RIMS4: variants seen among roughly 807,000 people sequenced by gnomAD.
RIMS4 encodes regulating synaptic membrane exocytosis protein 4.
Under a neutral mutation model 29.0 loss-of-function variants are expected in RIMS4, and 9 were observed. The observed-to-expected ratio is 0.31, with a 90% CI of 0.19 to 0.54. The LOEUF is 0.54. Among genes scored for constraint, RIMS4 ranks in the 20% least tolerant of loss-of-function variants. The pLI, the probability that RIMS4 is intolerant of heterozygous loss-of-function variation, is 0.94. For missense variants in RIMS4, 193 were observed against 365.7 expected (o/e 0.53, Z 3.85); for synonymous variants, 130 against 152.9 (o/e 0.85, Z 1.10).
intron 1 of RIMS4, among the ~76,000 whole-genome samples, chr20:44,783,999 A>T (rs2066196789): frequency 6.6e-6 from 1 of 152,224 alleles, no homozygotes; most frequent in African/African-American, 2.4e-5. Context: ...AATAAAGCTT[A>T]TATAAATCTC....
At position 44,756,116 on chromosome 20, in the gene RIMS4, C is replaced by G; in HGVS notation, c.*18G>C. 1 of 1,561,640 alleles carries G rather than the reference C, an allele frequency of 6.4e-7. No homozygotes were observed. ...GTGGTCTCCAGGCCATCTTGGGGAG[C>G]CCCTCCCCATTCCAGCACTAAGATC... On this transcript the variant is annotated 3_prime_UTR_variant, in exon 6 of 6. Transcript: ENST00000372851. This position sits in a 1 kb window ranked among gnomAD's most constrained non-coding sequence, Gnocchi z 5.9.
intron 1 of RIMS4, among the ~76,000 whole-genome samples, chr20:44,807,496 T>C (rs1371363623): frequency 6.6e-6 from 1 of 151,998 alleles, no homozygotes; most frequent in African/African-American, 2.4e-5. Context: ...AAGGGGAGGC[T>C]CCTAGATGAG....
In RIMS4 at chr20:44,806,458, C is replaced by G. The variant is rs2066299117; in HGVS notation, c.97+3717G>C. Reference sequence around the variant, plus strand: ...CCCTCTTGACTGGCAGGCGAGTCTCCCAAATCCCTATGTTTAAGCCACTTC... The same window carrying G: ...CCCTCTTGACTGGCAGGCGAGTCTCGCAAATCCCTATGTTTAAGCCACTTC... On this transcript the variant is annotated intron_variant, in intron 1 of 5. Coordinates refer to ENST00000372851, the MANE Select transcript of RIMS4 (RefSeq NM_182970.4). Among the ~76,000 whole-genome samples, 8 of 152,260 alleles carry G rather than the reference C, an allele frequency of 5.3e-5. No individual in the cohort carries two copies. In the South Asian group the frequency reaches 1.7e-3, roughly 32 times the overall value.
chr20:44,802,525 G>C (rs147803848), intron 1 of RIMS4, among the ~76,000 whole-genome samples: 3 of 152,292 alleles, frequency 2.0e-5, no homozygotes, highest in South Asian at 2.1e-4. Flanking sequence ...ATCAGTCTGG[G>C]TCAGGTGAGA....
chr20:44,760,107 C>A (rs1297117723), intron 2 of RIMS4, among the ~76,000 whole-genome samples: 2 of 152,192 alleles, frequency 1.3e-5, no homozygotes, highest in East Asian at 1.9e-4. Context: ...GGCTATCCTG[C>A]CCCGAAACAG....
intron 2 of RIMS4, among the ~76,000 whole-genome samples, chr20:44,760,629 C>A (rs1651450638): frequency 6.6e-6 from 1 of 152,204 alleles, no homozygotes; most frequent in African/African-American, 2.4e-5. Context: ...GCCAATGCTA[C>A]TGGACACGAG....
At chr20:44,779,547 T>C (rs1287047868) in intron 1 of RIMS4, among the ~76,000 whole-genome samples, 3 of 152,270 alleles carry the variant, frequency 2.0e-5, no homozygotes, top group African/African-American at 4.8e-5. Context: ...GTTTGTGGGG[T>C]TCATCCATGT....
chr20:44,775,013 T>G (rs922140148), intron 1 of RIMS4, among the ~76,000 whole-genome samples: 1 of 151,908 alleles, frequency 6.6e-6, no homozygotes, highest in Non-Finnish European at 1.5e-5. Flanking sequence ...ACTAAACCAT[T>G]CTCTAGTGAC....
intron 2 of RIMS4, 24 bp from the exon 3 acceptor site, chr20:44,758,208 A>G (rs773993724): frequency 3.3e-6 from 5 of 1,536,978 alleles, no homozygotes; most frequent in Non-Finnish European, 3.6e-6. Flanking sequence ...AGGTGAGACA[A>G]AGCACACATT....
At chr20:44,791,400 T>C (rs569349009) in intron 1 of RIMS4, among the ~76,000 whole-genome samples, 23 of 152,192 alleles carry the variant, frequency 1.5e-4, no homozygotes, top group Non-Finnish European at 1.0e-4. Context: ...TTGGGGGAAT[T>C]ACCTAATTTC....
At chr20:44,766,425 G>A (rs2066113895) in intron 2 of RIMS4, among the ~76,000 whole-genome samples, 1 of 152,128 alleles carries the variant, frequency 6.6e-6, no homozygotes, top group Admixed American at 6.5e-5. Context: ...AAAGTGAAGG[G>A]TAAAGGTTCA....
At chr20:44,783,529 C>T (rs2066194201) in intron 1 of RIMS4, among the ~76,000 whole-genome samples, 1 of 151,940 alleles carries the variant, frequency 6.6e-6, no homozygotes, top group African/African-American at 2.4e-5. Flanking sequence ...GAGGCTGAGG[C>T]AGGAGAATCA....
At chr20:44,796,645 C>A (rs2066256448) in intron 1 of RIMS4, among the ~76,000 whole-genome samples, 2 of 152,186 alleles carry the variant, frequency 1.3e-5, no homozygotes, top group Non-Finnish European at 2.9e-5. Context: ...CACCTCCACC[C>A]TAGAGAAGAA....
chr20:44,759,703 C>G (rs1320659429), intron 2 of RIMS4, among the ~76,000 whole-genome samples: 1 of 152,234 alleles, frequency 6.6e-6, no homozygotes, highest in Non-Finnish European at 1.5e-5. Flanking sequence ...AAACCTCTCT[C>G]TGGGAAATAA....
In RIMS4 at chr20:44,783,123, GTTTGCCCA is replaced by G. The variant is rs1447157712; in HGVS notation, c.98-11718_98-11711del. 3.9e-5 allele frequency among the ~76,000 whole-genome samples: 6 copies of G among 152,212 alleles called. No individual in the cohort carries two copies. The East Asian group carries it at 7.7e-4, about 20-fold the overall frequency. On this transcript the variant is annotated intron_variant, in intron 1 of 5. Coordinates refer to ENST00000372851, the MANE Select transcript of RIMS4 (RefSeq NM_182970.4). The stretch of plus-strand genomic sequence containing the variant: ...AACTGAGGCTCTGAGAACTGAAGCA[GTTTGCCCA>G]AGGTCCCACAGCAAGTAAAGGTTGG...
chr20:44,799,939 A>G (rs1388447437), intron 1 of RIMS4, among the ~76,000 whole-genome samples: 3 of 152,206 alleles, frequency 2.0e-5, no homozygotes, highest in Non-Finnish European at 4.4e-5. Context: ...CTCTCTACCA[A>G]TATTTATTCA....
chr20:44,785,679 G>A (rs1407231403), intron 1 of RIMS4, among the ~76,000 whole-genome samples: 2 of 151,868 alleles, frequency 1.3e-5, no homozygotes, highest in Non-Finnish European at 2.9e-5. Context: ...ACAACTTTCT[G>A]CTCCTCTCTT....
At chr20:44,766,996 C>T (rs2066116531) in intron 2 of RIMS4, among the ~76,000 whole-genome samples, 1 of 152,226 alleles carries the variant, frequency 6.6e-6, no homozygotes, top group Non-Finnish European at 1.5e-5. Context: ...AGATAACTCC[C>T]AGGTGCATGT....
At chr20:44,794,352 G>A (rs1332419157) in intron 1 of RIMS4, among the ~76,000 whole-genome samples, 2 of 152,144 alleles carry the variant, frequency 1.3e-5, no homozygotes, top group Non-Finnish European at 2.9e-5. Context: ...TTCTGGGGCT[G>A]GAGACATTCA....
Sources: gnomAD v4.1 joint callset for allele counts (sites outside exome capture counted in the v4.1 genomes callset) on GRCh38, gnomAD v4.1.1 for gene constraint, Gnocchi (gnomAD v3.1) non-coding constraint, MANE v1.5 for transcripts, NCBI Gene and HGNC (gene_info 2026-07-23, HGNC 2026-07-21) for gene names.